Variants in ARHGAP15 observed in about 807,000 individuals in gnomAD.
ARHGAP15 encodes rho GTPase-activating protein 15.
A neutral mutation model predicts 63.7 loss-of-function variants in ARHGAP15; 51 were observed. The observed-to-expected ratio is 0.80, with a 90% CI of 0.64 to 1.01. The LOEUF (loss-of-function observed/expected upper bound fraction) is 1.01, where lower values mean the gene tolerates loss of function less well. Among genes scored for constraint, ARHGAP15 ranks in the 50% least tolerant of loss-of-function variants. The probability of loss-of-function intolerance (pLI) is 0.00; values close to 1 mark genes in which losing one functional copy is unlikely to be tolerated. For missense variants in ARHGAP15, 560 were observed against 564.6 expected (o/e 0.99, Z 0.08); for synonymous variants, 191 against 193.8 (o/e 0.99, Z 0.12).
chr2:143,302,868 A>C (rs1553461157), intron 6 of ARHGAP15, among the ~76,000 whole-genome samples: 1 of 152,074 alleles, frequency 6.6e-6, no homozygotes, highest in Non-Finnish European at 1.5e-5. Flanking sequence ...AAAAGGGCTT[A>C]TATCTTTGAA....
At chr2:143,649,594 G>A (rs972670826) in intron 12 of ARHGAP15, among the ~76,000 whole-genome samples, 1 of 151,906 alleles carries the variant, frequency 6.6e-6, no homozygotes, top group African/African-American at 2.4e-5. Flanking sequence ...ATCTGTTATT[G>A]CTTGTCCAAT....
chr2:143,576,378 T>C (rs767789808), intron 11 of ARHGAP15, among the ~76,000 whole-genome samples: 3 of 152,112 alleles, frequency 2.0e-5, no homozygotes, highest in Non-Finnish European at 4.4e-5. Context: ...TACTGAAACA[T>C]TGTCCTAAAT....
chr2:143,155,580 T>C lies in ARHGAP15; in HGVS notation c.90T>C (p.Asn30=), dbSNP rs1690044365. Residue 30 remains asparagine (N), a synonymous_variant, in exon 2 of 14, where the codon AAT becomes AAC. Coordinates refer to ENST00000295095, the MANE Select transcript of ARHGAP15 (RefSeq NM_018460.4). ...GTGAVQMRIK[N]ANSHHDRLSQ... ...GAGCTGTGCAAATGAGAATCAAAAA[T>C]GCCAACAGCCACCATGACAGGCTCA... is the stretch of plus-strand genomic sequence containing the variant. 3.7e-6 allele frequency: 6 copies of C among 1,609,624 alleles called. No individual in the cohort carries two copies. The highest frequency in any genetic ancestry group is 4.2e-6 in the Non-Finnish European group (5 of 1,178,076).
At chr2:143,527,819 T>C (rs1187373313) in intron 10 of ARHGAP15, among the ~76,000 whole-genome samples, 1 of 152,042 alleles carries the variant, frequency 6.6e-6, no homozygotes, top group East Asian at 1.9e-4. Flanking sequence ...GAAATCCTCA[T>C]TGGAGAGTTG....
rs142737159 is a variant in ARHGAP15, at chr2:143,762,262, C to T, written c.1245-5727C>T. 9.8e-4 allele frequency among the ~76,000 whole-genome samples: 149 copies of T among 152,270 alleles called. 4 individuals are homozygous for T. The highest frequency in any genetic ancestry group is 3.5e-3 in the African/African-American group (145 of 41,570). On this transcript the variant is annotated intron_variant, in intron 13 of 13. Coordinates refer to ENST00000295095, the MANE Select transcript of ARHGAP15 (RefSeq NM_018460.4). The stretch of plus-strand genomic sequence containing the variant: ...CTAAATATTTTGGGGCCTCCTTGCC[C>T]ACTATCATGCTAATGTCTCAACCAC...
intron 10 of ARHGAP15, among the ~76,000 whole-genome samples, chr2:143,538,517 T>C (rs1371318538): frequency 6.6e-6 from 1 of 152,242 alleles, no homozygotes; most frequent in Non-Finnish European, 1.5e-5. Flanking sequence ...GCTGTGGGTC[T>C]GTGATAGATA....
intron 1 of ARHGAP15, among the ~76,000 whole-genome samples, chr2:143,153,050 A>T (rs967715200): frequency 6.6e-6 from 1 of 152,010 alleles, no homozygotes; most frequent in Non-Finnish European, 1.5e-5. Context: ...ACAGTAGCAT[A>T]TCACTAGGCA....
intron 6 of ARHGAP15, among the ~76,000 whole-genome samples, chr2:143,269,438 A>G (rs1030369703): frequency 4.6e-5 from 7 of 152,284 alleles, no homozygotes; most frequent in Admixed American, 3.9e-4. Flanking sequence ...ATTTTTTATA[A>G]CAGTACTCCT....
intron 2 of ARHGAP15, among the ~76,000 whole-genome samples, chr2:143,195,675 C>A (rs1691862103): frequency 6.6e-6 from 1 of 152,092 alleles, no homozygotes; most frequent in South Asian, 2.1e-4. Flanking sequence ...ATCCAAGTAT[C>A]CAGGGACGTT....
chr2:143,397,990 T>A (rs1393210975), intron 6 of ARHGAP15, among the ~76,000 whole-genome samples: 4 of 151,924 alleles, frequency 2.6e-5, no homozygotes, highest in African/African-American at 7.3e-5. Flanking sequence ...CTCTCTGCCT[T>A]GAAATGTTTT....
chr2:143,247,520 G>T (rs1039940093), intron 5 of ARHGAP15: 2 of 152,216 alleles, frequency 1.3e-5, no homozygotes, highest in African/African-American at 2.4e-5. Context: ...ATGCTGATGA[G>T]AACATTTTGA....
chr2:143,604,262 A>G (rs953597651), intron 11 of ARHGAP15, among the ~76,000 whole-genome samples: 4 of 152,162 alleles, frequency 2.6e-5, no homozygotes, highest in African/African-American at 9.7e-5. Flanking sequence ...ATAGGGTTTT[A>G]TATTAATTTT....
At chr2:143,486,685 G>C (rs1040907810) in intron 8 of ARHGAP15, among the ~76,000 whole-genome samples, 2 of 152,196 alleles carry the variant, frequency 1.3e-5, no homozygotes, top group African/African-American at 4.8e-5. Context: ...CATGGAGCCT[G>C]ATTAGTAGAC....
At chr2:143,370,991 A>G (rs530320172) in intron 6 of ARHGAP15, among the ~76,000 whole-genome samples, 32 of 152,292 alleles carry the variant, frequency 2.1e-4, no homozygotes, top group African/African-American at 7.7e-4. Context: ...TAGTTGTACA[A>G]TGTGCCCTGA....
chr2:143,346,927 A>G (rs1373718543), intron 6 of ARHGAP15, among the ~76,000 whole-genome samples: 1 of 152,094 alleles, frequency 6.6e-6, no homozygotes, highest in Non-Finnish European at 1.5e-5. Context: ...CAGGCTTGCT[A>G]TGATCTCTAC....
At chr2:143,150,674 A>G (rs1326222240) in intron 1 of ARHGAP15, among the ~76,000 whole-genome samples, 1 of 152,054 alleles carries the variant, frequency 6.6e-6, no homozygotes, top group Non-Finnish European at 1.5e-5. Flanking sequence ...GATATCTCAA[A>G]CACATGCAAA....
chr2:143,337,281 G>T (rs116743263), intron 6 of ARHGAP15, among the ~76,000 whole-genome samples: 30 of 152,266 alleles, frequency 2.0e-4, no homozygotes, highest in South Asian at 6.2e-4. Flanking sequence ...AGGCTAGGGA[G>T]GTGGGAGGAA....
At chr2:143,373,941 TG>T in intron 6 of ARHGAP15, among the ~76,000 whole-genome samples, 2 of 152,196 alleles carry the variant, frequency 1.3e-5, no homozygotes, top group Non-Finnish European at 2.9e-5. Context: ...AAACATCCTG[TG>T]GACCTAGCAA....
At chr2:143,336,740 A>G (rs1240740960) in intron 6 of ARHGAP15, among the ~76,000 whole-genome samples, 2 of 152,180 alleles carry the variant, frequency 1.3e-5, no homozygotes, top group African/African-American at 2.4e-5. Context: ...ATCATTCTTA[A>G]TAGTGAGAAG....
Sources: allele counts gnomAD v4.1 joint callset (sites outside exome capture counted in the v4.1 genomes callset), GRCh38; gene constraint gnomAD v4.1.1; transcripts MANE v1.5; gene names NCBI Gene and HGNC (gene_info 2026-07-23, HGNC 2026-07-21).